The following SPMIP2 variants were observed in gnomAD, a reference collection of about 807,000 sequenced individuals.
SPMIP2 encodes protein SPMIP2.
At chr4:158,996,634 A>G in the SPMIP2 span, among the ~76,000 whole-genome samples, 1 of 152,190 alleles carries the variant, frequency 6.6e-6, no homozygotes, top group Non-Finnish European at 1.5e-5. Flanking sequence ...CAGTAGCTCA[A>G]TGATGTCTTC....
At chr4:158,960,757 G>C in the SPMIP2 span, among the ~76,000 whole-genome samples, 6 of 152,212 alleles carry the variant, frequency 3.9e-5, no homozygotes, top group Admixed American at 3.9e-4. Flanking sequence ...TCGTAATAAC[G>C]TAGGAAAGAG....
chr4:158,973,264 A>G, the SPMIP2 span: 2 of 1,613,738 alleles, frequency 1.2e-6, no homozygotes, highest in Non-Finnish European at 1.7e-6. Flanking sequence ...CCTACATAGG[A>G]GGTGTGCTGA....
chr4:159,017,155 ACCCT>A, the SPMIP2 span, among the ~76,000 whole-genome samples: 4 of 152,168 alleles, frequency 2.6e-5, no homozygotes, highest in African/African-American at 9.7e-5. Context: ...CCGTCAACAT[ACCCT>A]ATTCCAGGCA....
the SPMIP2 span, among the ~76,000 whole-genome samples, chr4:158,964,353 G>T: frequency 3.5e-4 from 37 of 105,268 alleles, no homozygotes; most frequent in South Asian, 0.012. Context: ...GACAGCCCCA[G>T]CCTCAGATGA....
the SPMIP2 span, among the ~76,000 whole-genome samples, chr4:159,053,263 A>G: frequency 6.6e-6 from 1 of 151,992 alleles, no homozygotes; most frequent in Non-Finnish European, 1.5e-5. Context: ...GCCGACTATT[A>G]TTTTTTAAAA....
chr4:158,930,363 C>G, the SPMIP2 span, among the ~76,000 whole-genome samples: 5 of 152,092 alleles, frequency 3.3e-5, no homozygotes, highest in Non-Finnish European at 7.4e-5. Flanking sequence ...CAGGTGCACA[C>G]GACTTTGCCT....
the SPMIP2 span, chr4:159,038,558 G>A: frequency 6.6e-6 from 1 of 152,152 alleles, no homozygotes; most frequent in Non-Finnish European, 1.5e-5. Flanking sequence ...AAAATACAAT[G>A]TAGTAAGAGT....
the SPMIP2 span, among the ~76,000 whole-genome samples, chr4:158,970,758 G>A: frequency 6.6e-6 from 1 of 152,010 alleles, no homozygotes; most frequent in African/African-American, 2.4e-5. Flanking sequence ...GGAGCTTTAA[G>A]GTATTGTTCA....
the SPMIP2 span, among the ~76,000 whole-genome samples, chr4:159,057,081 C>T: frequency 2.0e-5 from 3 of 152,226 alleles, no homozygotes; most frequent in Middle Eastern, 3.4e-3. Context: ...CCTTAGACCC[C>T]GGATTTAGGA....
chr4:158,960,728 C>T, the SPMIP2 span, among the ~76,000 whole-genome samples: 2 of 152,160 alleles, frequency 1.3e-5, no homozygotes, highest in African/African-American at 4.8e-5. Context: ...TTTCTCCTTA[C>T]AGAATCAAAA....
At chr4:158,943,179 ATATTT>A in the SPMIP2 span, among the ~76,000 whole-genome samples, 2 of 152,182 alleles carry the variant, frequency 1.3e-5, no homozygotes, top group African/African-American at 4.8e-5. Context: ...ATGTTTCTGT[ATATTT>A]TATTCTGTGT....
chr4:158,916,947 G>T, the SPMIP2 span, among the ~76,000 whole-genome samples: 1 of 151,672 alleles, frequency 6.6e-6, no homozygotes, highest in Non-Finnish European at 1.5e-5. Flanking sequence ...CAGCCTGTCT[G>T]CTTTCTTTTT....
At chr4:159,006,379 C>T in the SPMIP2 span, among the ~76,000 whole-genome samples, 2 of 152,294 alleles carry the variant, frequency 1.3e-5, no homozygotes, top group South Asian at 4.1e-4. Context: ...AAGCTAGTGG[C>T]TTTAACCTGT....
chr4:158,930,740 C>G, the SPMIP2 span, among the ~76,000 whole-genome samples: 1 of 152,146 alleles, frequency 6.6e-6, no homozygotes, highest in Non-Finnish European at 1.5e-5. Context: ...GGCCTGGCCT[C>G]AAGCAATCTT....
the SPMIP2 span, among the ~76,000 whole-genome samples, chr4:158,970,037 G>A: frequency 1.3e-5 from 2 of 152,208 alleles, no homozygotes; most frequent in African/African-American, 2.4e-5. Context: ...ACCACACTGA[G>A]AAGTTTACCA....
At chr4:158,991,306 G>T in the SPMIP2 span, among the ~76,000 whole-genome samples, 2 of 152,278 alleles carry the variant, frequency 1.3e-5, no homozygotes, top group Middle Eastern at 3.4e-3. Context: ...CTGTGTTGTG[G>T]TGACAACATT....
chr4:158,901,128 A>ATTTTTTTTTT, the SPMIP2 span, among the ~76,000 whole-genome samples: 3 of 112,298 alleles, frequency 2.7e-5, no homozygotes, highest in African/African-American at 1.1e-4. Context: ...CTGGGTTGAA[A>ATTTTTTTTTT]TTTTTTTTTT....
chr4:159,022,084 C>T, the SPMIP2 span, among the ~76,000 whole-genome samples: 1 of 152,142 alleles, frequency 6.6e-6, no homozygotes, highest in Non-Finnish European at 1.5e-5. Context: ...GTGGTGATAG[C>T]TACTTAGCTT....
the SPMIP2 span, among the ~76,000 whole-genome samples, chr4:158,976,995 G>A: frequency 1.3e-5 from 2 of 152,066 alleles, no homozygotes; most frequent in Admixed American, 1.3e-4. Flanking sequence ...GATTCAGTTT[G>A]CCAGTATTTT....
Sources: gnomAD v4.1 joint callset for allele counts (sites outside exome capture counted in the v4.1 genomes callset) on GRCh38, gnomAD v4.1.1 for gene constraint, MANE v1.5 for transcripts, NCBI Gene and HGNC (gene_info 2026-07-23, HGNC 2026-07-21) for gene names.